SIAH3: variants seen among roughly 807,000 people sequenced by gnomAD.
SIAH3 encodes the protein siah E3 ubiquitin protein ligase family member 3.
In SIAH3, 9 loss-of-function variants were observed where a neutral mutation model predicts 12.6. The observed-to-expected ratio is 0.72, with a 90% CI of 0.43 to 1.25. The LOEUF is 1.25. Ranked by LOEUF, SIAH3 falls within the 50% of genes most tolerant of loss-of-function variation. SIAH3 has a pLI of 0.00. For synonymous variants in SIAH3, 154 were observed against 151.1 expected, an observed-to-expected ratio of 1.02 and a Z score of -0.14; for missense variants, 390 against 365.4, an observed-to-expected ratio of 1.07 and a Z score of -0.55.
chr13:45,794,286 A>C (rs968696262), intron 1 of SIAH3, among the ~76,000 whole-genome samples: 6 of 152,124 alleles, frequency 3.9e-5, no homozygotes, highest in African/African-American at 1.4e-4. Flanking sequence ...GAGTCTACAC[A>C]CACATGGATG....
rs538084414 is a variant in SIAH3 at position 45,805,729 on chromosome 13, G to A, written c.136-21672C>T. Among the ~76,000 whole-genome samples the A allele has an allele frequency of 1.1e-3, 162 of 152,234 alleles. 2 individuals are homozygous for A. The Middle Eastern group carries it at 0.024, about 22-fold the overall frequency. On this transcript the variant is annotated intron_variant, in intron 1 of 1. Transcript: ENST00000400405. ...AACAAAGACAGAAATTGACAAGTAG[G>A]ACCTAATTAAACTAAAGAGCTTCTG...
chr13:45,828,454 C>T (rs1950686583), intron 1 of SIAH3, among the ~76,000 whole-genome samples: 2 of 152,310 alleles, frequency 1.3e-5, no homozygotes, highest in East Asian at 1.9e-4. Context: ...GATTCTGTGT[C>T]GTAGCCCACT....
chr13:45,784,585 G>A (rs1040104264), intron 1 of SIAH3, among the ~76,000 whole-genome samples: 13 of 151,890 alleles, frequency 8.6e-5, no homozygotes, highest in South Asian at 2.1e-4. Context: ...CTTCTCCTGC[G>A]TCCTAAGGCA....
chr13:45,845,132 T>C (rs371210047), intron 1 of SIAH3, among the ~76,000 whole-genome samples: 34 of 152,258 alleles, frequency 2.2e-4, no homozygotes, highest in African/African-American at 7.7e-4. Context: ...TTGTCTCCAA[T>C]AATAGATGTA....
intron 1 of SIAH3, among the ~76,000 whole-genome samples, chr13:45,828,216 G>T (rs9316167): frequency 0.087 from 13,174 of 152,196 alleles, 733 homozygotes; most frequent in East Asian, 0.19. Flanking sequence ...CTCTGTGAAG[G>T]TTTCTTCTCC....
intron 1 of SIAH3, among the ~76,000 whole-genome samples, chr13:45,800,266 G>A (rs1950577023): frequency 6.6e-6 from 1 of 151,936 alleles, no homozygotes; most frequent in Admixed American, 6.6e-5. Context: ...GGAACTATAT[G>A]CGTCAAGAGA....
intron 1 of SIAH3, among the ~76,000 whole-genome samples, chr13:45,792,095 A>T (rs552716514): frequency 6.6e-6 from 1 of 152,050 alleles, no homozygotes; most frequent in Non-Finnish European, 1.5e-5. Context: ...GGAATTCCCT[A>T]CCCAGTGTCT....
At chr13:45,833,303 C>T (rs939880467) in intron 1 of SIAH3, among the ~76,000 whole-genome samples, 4 of 152,184 alleles carry the variant, frequency 2.6e-5, no homozygotes, top group South Asian at 2.1e-4. Flanking sequence ...ACAAGGGCAT[C>T]GCTGAAGGTC....
intron 1 of SIAH3, among the ~76,000 whole-genome samples, chr13:45,792,975 G>A (rs766940690): frequency 1.3e-5 from 2 of 152,190 alleles, no homozygotes; most frequent in Non-Finnish European, 2.9e-5. Context: ...ATTGGCAAGT[G>A]AAACCTGGGG....
chr13:45,785,581 C>T (rs1411801737), intron 1 of SIAH3, among the ~76,000 whole-genome samples: 2 of 152,272 alleles, frequency 1.3e-5, no homozygotes, highest in Non-Finnish European at 2.9e-5. Context: ...CATGCATACA[C>T]ACACGCTCAT....
chr13:45,839,730 G>T (rs1950733310), intron 1 of SIAH3, among the ~76,000 whole-genome samples: 1 of 152,204 alleles, frequency 6.6e-6, no homozygotes, highest in South Asian at 2.1e-4. Context: ...TACTAGGGAG[G>T]CTGAGGCAGG....
intron 1 of SIAH3, among the ~76,000 whole-genome samples, chr13:45,799,677 G>A (rs58242564): frequency 0.021 from 3,206 of 152,276 alleles, 114 homozygotes; most frequent in East Asian, 0.13. Context: ...GCTGCAGAGT[G>A]TGGGCACTGT....
At chr13:45,808,698 T>C (rs763305150) in intron 1 of SIAH3, among the ~76,000 whole-genome samples, 1 of 107,630 alleles carries the variant, frequency 9.3e-6, no homozygotes, top group Non-Finnish European at 1.8e-5. Flanking sequence ...CTTATGTCCA[T>C]ATGTACGTGC....
intron 1 of SIAH3, among the ~76,000 whole-genome samples, chr13:45,804,131 A>G (rs1950591316): frequency 6.6e-6 from 1 of 152,102 alleles, no homozygotes; most frequent in Non-Finnish European, 1.5e-5. Context: ...GTTAACTTTA[A>G]TGTCAAAAAT....
chr13:45,783,618 G>A lies in SIAH3; in HGVS notation c.575C>T (p.Thr192Ile), dbSNP rs1475658144. The change falls in exon 2 of 2, where the codon ACC (threonine) becomes ATC (isoleucine). Residue 192 changes from threonine to isoleucine, a missense_variant. By Grantham distance (89) the Thr-to-Ile change is moderately conservative. Coordinates refer to ENST00000400405, the MANE Select transcript of SIAH3 (RefSeq NM_198849.3). ...GGTGAAGCAGTCGGCCTGGGTGGGGGTCCCAATCAGCATCATGGTGGCAAA... is the reference window on the plus strand; with the variant it reads ...GGTGAAGCAGTCGGCCTGGGTGGGGATCCCAATCAGCATCATGGTGGCAAA... The part of the protein sequence containing the change: ...QFFATMMLIG[T>I]PTQADCFTYR... The A allele has an allele frequency of 6.2e-7, 1 of 1,614,166 alleles. No homozygotes were observed. The highest frequency in any genetic ancestry group is 1.7e-5 in the Admixed American group (1 of 60,022).
chr13:45,794,045 A>C (rs191260304), intron 1 of SIAH3, among the ~76,000 whole-genome samples: 4 of 152,094 alleles, frequency 2.6e-5, no homozygotes, highest in African/African-American at 9.6e-5. Context: ...TGGAAGAAGC[A>C]AGGAGGAATT....
intron 1 of SIAH3, among the ~76,000 whole-genome samples, chr13:45,848,078 G>A (rs1950766724): frequency 6.6e-6 from 1 of 152,194 alleles, no homozygotes; most frequent in African/African-American, 2.4e-5. Flanking sequence ...CAAAGGACAG[G>A]AGGGAGAGAG....
rs532874228 is a variant in SIAH3 at position 45,848,695 on chromosome 13, A to C, written c.135+2800T>G. Among the ~76,000 whole-genome samples the C allele has an allele frequency of 2.0e-5, 3 of 152,270 alleles. No individual in the cohort carries two copies. In the South Asian group the frequency reaches 6.2e-4, roughly 32 times the overall value. On this transcript the variant is annotated intron_variant, in intron 1 of 1. Transcript: ENST00000400405. ...AGCCCAGGAAAGGATAAAACACATA[A>C]ATGCTTCCACAAGGAAAAACACAAG...
chr13:45,781,512 C>G lies in SIAH3; in HGVS notation c.*1871G>C, dbSNP rs1950503604. 1.3e-5 allele frequency: 2 copies of G among 152,110 alleles called. No individual in the cohort carries two copies. The highest frequency in any genetic ancestry group is 1.3e-4 in the Admixed American group (2 of 15,282). 9.4% of individuals were successfully genotyped at this position (152,110 alleles called of 1,614,324 possible). A position where few individuals can be genotyped will look rare whatever the true frequency, so the allele number is the denominator to read the frequency against. On this transcript the variant is annotated 3_prime_UTR_variant, in exon 2 of 2. Coordinates refer to ENST00000400405, the MANE Select transcript of SIAH3 (RefSeq NM_198849.3). ...TGCCCTGGCAGGGCATCTGAGAGCT[C>G]AAAGAATGCGCAGGCCCCAATCCTT...
Sources: gnomAD v4.1 joint callset for allele counts (sites outside exome capture counted in the v4.1 genomes callset) on GRCh38, gnomAD v4.1.1 for gene constraint, MANE v1.5 for transcripts, NCBI Gene and HGNC (gene_info 2026-07-23, HGNC 2026-07-21) for gene names.